The following SEMA3A variants were observed in gnomAD, a reference collection of about 807,000 sequenced individuals.
The protein encoded by SEMA3A is semaphorin-3A.
In SEMA3A, 29 loss-of-function variants were observed where a neutral mutation model predicts 97.9. The ratio of observed to expected loss-of-function variants is 0.30; its 90% CI spans 0.22 to 0.40. The LOEUF is 0.40. SEMA3A is among the 10% of genes least tolerant of loss of function. The pLI is 1.00. For missense variants in SEMA3A, 763 were observed against 951.3 expected (o/e 0.80, Z 2.60); for synonymous variants, 321 against 323.7 (o/e 0.99, Z 0.09).
intron 3 of SEMA3A, among the ~76,000 whole-genome samples, chr7:84,236,373 C>A (rs886248057): frequency 6.6e-6 from 1 of 152,030 alleles, no homozygotes; most frequent in Admixed American, 6.6e-5. Context: ...TCCTAGATAT[C>A]CAATATAACC....
At chr7:83,963,469 T>C (rs1434837241) in intron 15 of SEMA3A, 122 bp from the exon 16 acceptor site, 8 of 1,039,952 alleles carry the variant, frequency 7.7e-6, no homozygotes, top group East Asian at 2.5e-5. Flanking sequence ...TTCACATTGA[T>C]TGAGGATGAC....
intron 3 of SEMA3A, among the ~76,000 whole-genome samples, chr7:84,290,969 C>T (rs1188629355): frequency 6.6e-6 from 1 of 152,066 alleles, no homozygotes; most frequent in East Asian, 1.9e-4. Flanking sequence ...TGAGAGCTAA[C>T]ATTTCTGATA....
At chr7:84,073,863 T>TAAAAAAAAAAAAAAAAAAAAAACAAAAA (rs57789538) in intron 4 of SEMA3A, among the ~76,000 whole-genome samples, 1 of 101,680 alleles carries the variant, frequency 9.8e-6, no homozygotes, top group African/African-American at 3.1e-5. Flanking sequence ...TAAAAAAAGC[T>TAAAAAAAAAAAAAAAAAAAAAACAAAAA]AAAAAAAAAA....
intron 1 of SEMA3A, among the ~76,000 whole-genome samples, chr7:84,452,848 T>C (rs2116368676): frequency 6.6e-6 from 1 of 152,302 alleles, no homozygotes; most frequent in Admixed American, 6.5e-5. Flanking sequence ...TTGCAACTTG[T>C]CTGAACTTGA....
At chr7:84,440,360 T>C (rs149863759) in intron 1 of SEMA3A, among the ~76,000 whole-genome samples, 31 of 152,262 alleles carry the variant, frequency 2.0e-4, no homozygotes, top group African/African-American at 4.6e-4. Flanking sequence ...CTGGTGCAGC[T>C]TGAACACAGC....
At chr7:84,249,678 C>CA (rs1277014280) in intron 3 of SEMA3A, among the ~76,000 whole-genome samples, 2 of 151,526 alleles carry the variant, frequency 1.3e-5, no homozygotes, top group Non-Finnish European at 2.9e-5. Flanking sequence ...GGTCTTATGT[C>CA]ATGTAATATG....
At chr7:83,974,816 G>A (rs545406934) in intron 15 of SEMA3A, among the ~76,000 whole-genome samples, 10 of 152,016 alleles carry the variant, frequency 6.6e-5, no homozygotes, top group Non-Finnish European at 8.8e-5. Context: ...ATTCAAAAAG[G>A]AATATTTTAT....
At chr7:84,155,246 T>C (rs1796806533) in intron 1 of SEMA3A, among the ~76,000 whole-genome samples, 1 of 152,156 alleles carries the variant, frequency 6.6e-6, no homozygotes, top group Non-Finnish European at 1.5e-5. Flanking sequence ...AATCAGCATA[T>C]CCAGGACCAC....
chr7:83,967,116 T>C lies in SEMA3A; in HGVS notation c.1718-3769A>G, dbSNP rs367711392. Among the ~76,000 whole-genome samples the C allele has an allele frequency of 1.6e-4, 25 of 152,348 alleles. 1 individual carries two copies. The highest frequency in any genetic ancestry group is 4.6e-4 in the African/African-American group (19 of 41,588). ...TTAGGAACAGAACTTTTATTTAAAA[T>C]GGCCTCAGCCAAGCACCCATCTATT... On this transcript the variant is annotated intron_variant, in intron 15 of 16. Transcript: ENST00000265362.
At chr7:84,028,583 G>A (rs914161190) in intron 6 of SEMA3A, among the ~76,000 whole-genome samples, 1 of 145,500 alleles carries the variant, frequency 6.9e-6, no homozygotes, top group African/African-American at 2.7e-5. Flanking sequence ...AAAATTAAAT[G>A]TATAATAAAG....
intron 3 of SEMA3A, among the ~76,000 whole-genome samples, chr7:84,220,274 A>G (rs1584139008): frequency 6.6e-6 from 1 of 152,174 alleles, no homozygotes; most frequent in Admixed American, 6.6e-5. Flanking sequence ...TCTTTAGGCT[A>G]CATTTTTAAT....
At chr7:84,240,135 T>G (rs955997068) in intron 3 of SEMA3A, among the ~76,000 whole-genome samples, 1 of 152,192 alleles carries the variant, frequency 6.6e-6, no homozygotes, top group South Asian at 2.1e-4. Flanking sequence ...CCAAAACTAG[T>G]CTATAGTATA....
At chr7:84,393,052 A>G (rs1017270964) in intron 1 of SEMA3A, among the ~76,000 whole-genome samples, 2 of 152,150 alleles carry the variant, frequency 1.3e-5, no homozygotes, top group Admixed American at 6.6e-5. Context: ...ATTTGGATAT[A>G]ATCGCATTTG....
chr7:84,186,915 A>G, intron 1 of SEMA3A, among the ~76,000 whole-genome samples: 1 of 152,174 alleles, frequency 6.6e-6, no homozygotes, highest in African/African-American at 2.4e-5. Flanking sequence ...TATATTTTTC[A>G]TGTTCACACT....
At chr7:84,095,557 T>C (rs113069922) in intron 4 of SEMA3A, among the ~76,000 whole-genome samples, 4 of 151,160 alleles carry the variant, frequency 2.6e-5, no homozygotes, top group African/African-American at 9.7e-5. Context: ...TCTTTTTTTT[T>C]TCATGCCCTA....
chr7:84,050,634 G>A (rs28785893), intron 5 of SEMA3A, among the ~76,000 whole-genome samples: 10,745 of 151,698 alleles, frequency 0.071, 1,287 homozygotes, highest in African/African-American at 0.25. Context: ...AGTAGGTTGC[G>A]AAAATTTTCT....
chr7:84,233,998 T>G (rs1373462655), intron 3 of SEMA3A, among the ~76,000 whole-genome samples: 3 of 152,002 alleles, frequency 2.0e-5, no homozygotes, highest in African/African-American at 4.8e-5. Context: ...CTCATTTTTA[T>G]AAAGTATTTT....
chr7:84,464,362 G>T (rs1197519207), intron 1 of SEMA3A, among the ~76,000 whole-genome samples: 1 of 152,174 alleles, frequency 6.6e-6, no homozygotes, highest in African/African-American at 2.4e-5. Flanking sequence ...GTAAGAGAAG[G>T]TTGCTTTGAG....
chr7:84,231,590 C>T (rs763578814), intron 3 of SEMA3A, among the ~76,000 whole-genome samples: 1 of 151,848 alleles, frequency 6.6e-6, no homozygotes, highest in Non-Finnish European at 1.5e-5. Context: ...TACTTAAAAG[C>T]CAGTTAAAAT....
Sources: allele counts gnomAD v4.1 joint callset (sites outside exome capture counted in the v4.1 genomes callset), GRCh38; gene constraint gnomAD v4.1.1; transcripts MANE v1.5; gene names NCBI Gene and HGNC (gene_info 2026-07-23, HGNC 2026-07-21).